Variants in SND1 observed in about 807,000 individuals in gnomAD.
SND1 encodes the protein staphylococcal nuclease and tudor domain containing 1, also known as staphylococcal nuclease domain-containing protein 1.
In SND1, 38 loss-of-function variants were observed where a neutral mutation model predicts 121.7. That is an observed-to-expected ratio of 0.31 (90% CI 0.24 to 0.41). The LOEUF (loss-of-function observed/expected upper bound fraction) is 0.41, where lower values mean the gene tolerates loss of function less well. Among genes scored for constraint, SND1 ranks in the 10% least tolerant of loss-of-function variants. SND1 has a pLI of 1.00. For missense variants in SND1, 868 were observed against 1,184.6 expected, an observed-to-expected ratio of 0.73 and a Z score of 3.92; for synonymous variants, 401 against 447.4, an observed-to-expected ratio of 0.90 and a Z score of 1.31.
At chr7:127,837,043 AGAAAAT>A (rs1260422521) in intron 11 of SND1, among the ~76,000 whole-genome samples, 1 of 152,254 alleles carries the variant, frequency 6.6e-6, no homozygotes, top group Non-Finnish European at 1.5e-5. Flanking sequence ...GATTTGAAAA[AGAAAAT>A]GAAGGCTAAA....
chr7:127,873,941 T>C (rs563436340), intron 12 of SND1, among the ~76,000 whole-genome samples: 1 of 152,270 alleles, frequency 6.6e-6, no homozygotes, highest in African/African-American at 2.4e-5. Context: ...TATGAAGAGC[T>C]AATAGAACTC....
At chr7:127,985,633 TAGTAG>T (rs1259514103) in intron 15 of SND1, among the ~76,000 whole-genome samples, 1 of 152,212 alleles carries the variant, frequency 6.6e-6, no homozygotes, top group Non-Finnish European at 1.5e-5. Context: ...CCTTTTACAA[TAGTAG>T]AGTAAAATAA....
chr7:127,726,534 G>A (rs1796585994), intron 10 of SND1, among the ~76,000 whole-genome samples: 1 of 152,200 alleles, frequency 6.6e-6, no homozygotes. Context: ...AAGGCTGTGG[G>A]TTTTCTGAGC....
intron 16 of SND1, among the ~76,000 whole-genome samples, chr7:128,072,172 A>T (rs1323048525): frequency 6.6e-6 from 1 of 152,226 alleles, no homozygotes; most frequent in Non-Finnish European, 1.5e-5. Flanking sequence ...GGCACCTCAC[A>T]GGATAGACAG....
At chr7:127,760,656 T>G (rs1048010524) in intron 10 of SND1, among the ~76,000 whole-genome samples, 1 of 152,248 alleles carries the variant, frequency 6.6e-6, no homozygotes, top group African/African-American at 2.4e-5. Context: ...AAGGCACCTC[T>G]CTGCCATACA....
At chr7:127,663,244 C>T (rs921791328) in intron 1 of SND1, among the ~76,000 whole-genome samples, 3 of 151,928 alleles carry the variant, frequency 2.0e-5, no homozygotes, top group Non-Finnish European at 2.9e-5. Flanking sequence ...AGTGTAAATG[C>T]TATGTAGATA....
At chr7:127,964,711 T>C (rs1801816539) in intron 15 of SND1, among the ~76,000 whole-genome samples, 1 of 149,914 alleles carries the variant, frequency 6.7e-6, no homozygotes, top group Admixed American at 6.6e-5. Context: ...TTTGTTCTTT[T>C]GGCTTAGGAT....
chr7:127,846,381 A>C (rs1178763319), intron 12 of SND1, among the ~76,000 whole-genome samples: 1 of 152,202 alleles, frequency 6.6e-6, no homozygotes, highest in Non-Finnish European at 1.5e-5. Context: ...CCTGGCAGGT[A>C]CCTGGAAAGC....
At chr7:127,991,909 A>G (rs992351194) in intron 16 of SND1, among the ~76,000 whole-genome samples, 1 of 152,230 alleles carries the variant, frequency 6.6e-6, no homozygotes, top group African/African-American at 2.4e-5. Flanking sequence ...TGAATTGCTA[A>G]GAAATACATG....
intron 15 of SND1, among the ~76,000 whole-genome samples, chr7:127,970,782 C>T (rs1233155587): frequency 6.6e-6 from 1 of 152,170 alleles, no homozygotes; most frequent in East Asian, 1.9e-4. Context: ...TAAATACATA[C>T]ATCTGCAATG....
intron 16 of SND1, among the ~76,000 whole-genome samples, chr7:128,026,035 G>A (rs1803468990): frequency 6.6e-6 from 1 of 151,994 alleles, no homozygotes. Flanking sequence ...AAAAAGAAGG[G>A]TGTTAGGAAA....
intron 16 of SND1, among the ~76,000 whole-genome samples, chr7:128,047,319 G>C (rs747309557): frequency 1.3e-5 from 2 of 152,232 alleles, no homozygotes; most frequent in Non-Finnish European, 2.9e-5. Flanking sequence ...GTGCCACTCA[G>C]TGGTCCCTTC....
intron 16 of SND1, among the ~76,000 whole-genome samples, chr7:128,020,422 G>A (rs1010393997): frequency 1.3e-5 from 2 of 152,194 alleles, no homozygotes; most frequent in East Asian, 1.9e-4. Context: ...GCTAGGTCGC[G>A]AACCCAGAGA....
chr7:127,816,689 T>C (rs75029613), intron 11 of SND1, among the ~76,000 whole-genome samples: 2,361 of 147,108 alleles, frequency 0.016, 79 homozygotes, highest in African/African-American at 0.057. Context: ...TTTGTAACAG[T>C]GTCTCGCTCT....
chr7:127,801,748 A>G (rs1037283973), intron 10 of SND1, among the ~76,000 whole-genome samples: 2 of 152,200 alleles, frequency 1.3e-5, no homozygotes, highest in Admixed American at 6.5e-5. Flanking sequence ...GTACTCCTTC[A>G]TGACACAGCT....
intron 16 of SND1, among the ~76,000 whole-genome samples, chr7:128,012,960 T>G (rs1284352262): frequency 6.6e-6 from 1 of 152,156 alleles, no homozygotes; most frequent in African/African-American, 2.4e-5. Flanking sequence ...CCATTGCCCC[T>G]GGACCCCTGA....
At chr7:127,868,314 G>C (rs886134995) in intron 12 of SND1, among the ~76,000 whole-genome samples, 1 of 152,226 alleles carries the variant, frequency 6.6e-6, no homozygotes, top group Non-Finnish European at 1.5e-5. Flanking sequence ...GAGCCAAGGA[G>C]GTGGAGGTTG....
In SND1 at chr7:128,061,247, A is replaced by C. The variant is rs574522351; in HGVS notation, c.1780-13255A>C. On this transcript the variant is annotated intron_variant, in intron 16 of 23. Transcript: ENST00000354725. Reference sequence around the variant, plus strand: ...CTGTCAAGCAGATGGGCAGAGAGTCACATCAACACCCATGCTGCTGACCCA... The same window carrying C: ...CTGTCAAGCAGATGGGCAGAGAGTCCCATCAACACCCATGCTGCTGACCCA... Among the ~76,000 whole-genome samples the C allele has an allele frequency of 2.6e-5, 4 of 152,344 alleles. No individual in the cohort carries two copies. In the East Asian group the frequency reaches 5.8e-4, roughly 22 times the overall value.
chr7:128,058,911 G>C (rs886172813), intron 16 of SND1, among the ~76,000 whole-genome samples: 25 of 151,970 alleles, frequency 1.6e-4, no homozygotes, highest in Admixed American at 1.6e-3. Context: ...GGCTCTGACT[G>C]TTCCCCTTGC....
Sources: gnomAD v4.1 joint callset for allele counts (sites outside exome capture counted in the v4.1 genomes callset) on GRCh38, gnomAD v4.1.1 for gene constraint, MANE v1.5 for transcripts, NCBI Gene and HGNC (gene_info 2026-07-23, HGNC 2026-07-21) for gene names.